CDKAL1: variants seen among roughly 807,000 people sequenced by gnomAD.
CDKAL1 encodes the protein threonylcarbamoyladenosine tRNA methylthiotransferase.
CDKAL1 carries 32 observed loss-of-function variants against 68.2 expected under a neutral mutation model. The observed-to-expected ratio is 0.47, with a 90% CI of 0.35 to 0.63. The LOEUF (loss-of-function observed/expected upper bound fraction) is 0.63, where lower values mean the gene tolerates loss of function less well. Ranked by LOEUF, CDKAL1 falls within the 30% of genes least tolerant of loss-of-function variation. The pLI is 0.00. For synonymous variants in CDKAL1, 234 were observed against 244.3 expected, an observed-to-expected ratio of 0.96 and a Z score of 0.39; for missense variants, 606 against 696.7, an observed-to-expected ratio of 0.87 and a Z score of 1.47.
intron 4 of CDKAL1, among the ~76,000 whole-genome samples, chr6:20,639,973 C>A (rs549033518): frequency 2.6e-5 from 4 of 152,208 alleles, no homozygotes; most frequent in Non-Finnish European, 5.9e-5. Flanking sequence ...CGACCATTTT[C>A]ATTGGTTTTA....
intron 9 of CDKAL1, among the ~76,000 whole-genome samples, chr6:20,874,309 G>T (rs1377428067): frequency 2.7e-5 from 4 of 149,384 alleles, no homozygotes; most frequent in East Asian, 2.0e-4. Flanking sequence ...TTGTTTGTTT[G>T]TTTTTTTTTT....
At chr6:20,929,105 A>G (rs1419031978) in intron 9 of CDKAL1, among the ~76,000 whole-genome samples, 1 of 152,174 alleles carries the variant, frequency 6.6e-6, no homozygotes, top group African/African-American at 2.4e-5. Context: ...TCCTTCTTCC[A>G]GGAATTGTTA....
At chr6:20,860,695 G>T (rs1266039341) in intron 9 of CDKAL1, among the ~76,000 whole-genome samples, 1 of 151,882 alleles carries the variant, frequency 6.6e-6, no homozygotes, top group Non-Finnish European at 1.5e-5. Flanking sequence ...GTGGTGGCAC[G>T]CACCTGTAGT....
chr6:20,899,664 G>GA (rs1761869976), intron 9 of CDKAL1, among the ~76,000 whole-genome samples: 1 of 152,050 alleles, frequency 6.6e-6, no homozygotes, highest in African/African-American at 2.4e-5. Context: ...CCAACATGGT[G>GA]AAAAACCATT....
chr6:20,687,504 C>A (rs1770680415), intron 5 of CDKAL1, among the ~76,000 whole-genome samples: 1 of 151,972 alleles, frequency 6.6e-6, no homozygotes, highest in Non-Finnish European at 1.5e-5. Context: ...TACTTTTATT[C>A]TTTTATCAAT....
chr6:20,576,482 G>A (rs529108525), intron 4 of CDKAL1, among the ~76,000 whole-genome samples: 2 of 152,318 alleles, frequency 1.3e-5, no homozygotes, highest in African/African-American at 4.8e-5. Context: ...CAGGTATGAA[G>A]TATAATAAAA....
chr6:20,721,027 A>G (rs1400496467), intron 5 of CDKAL1, among the ~76,000 whole-genome samples: 1 of 152,190 alleles, frequency 6.6e-6, no homozygotes, highest in Non-Finnish European at 1.5e-5. Flanking sequence ...TTTGTTACAT[A>G]TGTATACGTG....
intron 13 of CDKAL1, among the ~76,000 whole-genome samples, chr6:21,166,512 C>T (rs1163877077): frequency 1.6e-4 from 25 of 152,158 alleles, no homozygotes; most frequent in Admixed American, 1.6e-3. Flanking sequence ...GATGCTACAG[C>T]TTCTCCTGCA....
At chr6:20,945,206 C>T (rs1764179137) in intron 9 of CDKAL1, among the ~76,000 whole-genome samples, 1 of 152,002 alleles carries the variant, frequency 6.6e-6, no homozygotes, top group Admixed American at 6.6e-5. Context: ...ATCCAAAAAT[C>T]CAAAATCCAA....
At chr6:20,757,892 T>G (rs1349372711) in intron 6 of CDKAL1, among the ~76,000 whole-genome samples, 1 of 152,230 alleles carries the variant, frequency 6.6e-6, no homozygotes, top group Non-Finnish European at 1.5e-5. Flanking sequence ...CATTTTCCTT[T>G]TAAACTCTAG....
intron 9 of CDKAL1, among the ~76,000 whole-genome samples, chr6:20,889,911 C>T (rs141235686): frequency 0.011 from 1,706 of 152,166 alleles, 27 homozygotes; most frequent in African/African-American, 0.038. Flanking sequence ...TCATTGGCAG[C>T]TTGATGGGTA....
chr6:20,809,411 T>A (rs1335659957), intron 8 of CDKAL1, among the ~76,000 whole-genome samples: 1 of 152,180 alleles, frequency 6.6e-6, no homozygotes, highest in Non-Finnish European at 1.5e-5. Context: ...ACAAGCTGAT[T>A]AGGTATCACT....
rs187569191 is a variant in CDKAL1 at position 20,629,972 on chromosome 6, G to A, written c.287-19321G>A. Among the ~76,000 whole-genome samples, 96 of 152,152 alleles carry A rather than the reference G, an allele frequency of 6.3e-4. 1 individual carries two copies. The Middle Eastern group carries it at 0.027, about 43-fold the overall frequency. Reference sequence around the variant, plus strand: ...GGATTCAAGCGATTCTCTTCTCTCAGCCTCCTTAGTAGCTGGGACTATGGG... The same window carrying A: ...GGATTCAAGCGATTCTCTTCTCTCAACCTCCTTAGTAGCTGGGACTATGGG... On this transcript the variant is annotated intron_variant, in intron 4 of 15. Coordinates refer to ENST00000274695, the MANE Select transcript of CDKAL1 (RefSeq NM_017774.3).
At chr6:20,908,757 A>G (rs72832401) in intron 9 of CDKAL1, among the ~76,000 whole-genome samples, 2,293 of 152,314 alleles carry the variant, frequency 0.015, 24 homozygotes, top group Non-Finnish European at 0.022. Flanking sequence ...TACATATTAA[A>G]TCAAATTCCA....
intron 13 of CDKAL1, among the ~76,000 whole-genome samples, chr6:21,141,279 A>G (rs1236238953): frequency 6.6e-6 from 1 of 152,168 alleles, no homozygotes; most frequent in Non-Finnish European, 1.5e-5. Context: ...CTCTTCTAGC[A>G]AATGTTTTTT....
intron 10 of CDKAL1, among the ~76,000 whole-genome samples, chr6:20,990,820 T>C (rs974302520): frequency 2.6e-5 from 4 of 152,204 alleles, no homozygotes; most frequent in African/African-American, 9.7e-5. Context: ...AATCCAGAAA[T>C]AGGATTTCCT....
chr6:21,053,322 A>G (rs976712125), intron 11 of CDKAL1, among the ~76,000 whole-genome samples: 1 of 152,226 alleles, frequency 6.6e-6, no homozygotes, highest in Non-Finnish European at 1.5e-5. Flanking sequence ...TTTATTTGTA[A>G]GTAATTTCCA....
chr6:21,151,598 G>GT (rs1443277083), intron 13 of CDKAL1, among the ~76,000 whole-genome samples: 1 of 152,176 alleles, frequency 6.6e-6, no homozygotes, highest in Non-Finnish European at 1.5e-5. Flanking sequence ...AACAAAAACA[G>GT]TAGAGGACAT....
At chr6:20,803,792 T>G (rs1348066838) in intron 8 of CDKAL1, among the ~76,000 whole-genome samples, 1 of 152,090 alleles carries the variant, frequency 6.6e-6, no homozygotes, top group Non-Finnish European at 1.5e-5. Context: ...ATTTTATATT[T>G]AAAAGAAATA....
Sources: allele counts gnomAD v4.1 joint callset (sites outside exome capture counted in the v4.1 genomes callset), GRCh38; gene constraint gnomAD v4.1.1; transcripts MANE v1.5; gene names NCBI Gene and HGNC (gene_info 2026-07-23, HGNC 2026-07-21).